The following ZNF470 variants were observed in gnomAD, a reference collection of about 807,000 sequenced individuals.
The protein encoded by ZNF470 is chondrogenesis zinc finger protein 1.
ZNF470 carries 13 observed loss-of-function variants against 13.9 expected under a neutral mutation model. The observed-to-expected ratio is 0.94, with a 90% CI of 0.61 to 1.49. The LOEUF (loss-of-function observed/expected upper bound fraction) is 1.49. Among genes scored for constraint, ZNF470 ranks in the 40% most tolerant of loss-of-function variants. The pLI is 0.00. For synonymous variants in ZNF470, 293 were observed against 282.9 expected (o/e 1.04, Z -0.36); for missense variants, 929 against 857.3 (o/e 1.08, Z -1.04).
At chr19:56,569,348 C>T (rs561262602) in intron 2 of ZNF470, among the ~76,000 whole-genome samples, 1 of 152,264 alleles carries the variant, frequency 6.6e-6, no homozygotes, top group Non-Finnish European at 1.5e-5. Flanking sequence ...GTCACATGGA[C>T]TCTGTTGTAA....
rs1379953433 is a variant in ZNF470, at chr19:56,579,613, CATAAA to C, written c.*1038_*1042del. 2 of 985,360 alleles carry C rather than the reference CATAAA, an allele frequency of 2.0e-6. No homozygotes were observed. The highest frequency in any genetic ancestry group is 1.1e-4 in the East Asian group (1 of 8,814). The allele number at this position is 985,360 out of a possible 1,614,324, so 61.0% of individuals were successfully genotyped here. On this transcript the variant is annotated 3_prime_UTR_variant, in exon 6 of 6. Coordinates refer to ENST00000330619, the MANE Select transcript of ZNF470 (RefSeq NM_001001668.4). Reference sequence around the variant, plus strand: ...TCGTGTGGTATTTAAATTGTTCTAGCATAAAATAAAATGCAATAAGACCTTCCATC... The same window carrying C: ...TCGTGTGGTATTTAAATTGTTCTAGCATAAAATGCAATAAGACCTTCCATC...
chr19:56,577,504 C>T lies in ZNF470; in HGVS notation c.1075C>T (p.Arg359Ter), dbSNP rs558252392. Reference protein sequence around the residue: ...FSDCSSLAHHRRIHTGKRPYE... With the variant: ...FSDCSSLAHH ...TGATTGCTCATCCCTAGCTCATCATCGAAGGATTCACACTGGGAAAAGACC... is the reference window on the plus strand; with the variant it reads ...TGATTGCTCATCCCTAGCTCATCATTGAAGGATTCACACTGGGAAAAGACC... Residue 359 changes from arginine (R) to a stop codon, truncating the protein, a stop_gained, in exon 6 of 6, where the codon CGA (arginine) becomes TGA (stop). Transcript: ENST00000330619. LOFTEE classifies it low-confidence loss of function (END_TRUNC). 62 of 1,613,488 alleles carry T rather than the reference C, an allele frequency of 3.8e-5. 1 individual carries two copies. The highest frequency in any genetic ancestry group is 3.2e-4 in the South Asian group (29 of 91,062).
chr19:56,582,726 T>G lies in ZNF470; in HGVS notation c.*4143T>G. The G allele has an allele frequency of 4.1e-6, 1 of 245,042 alleles. No homozygotes were observed. The highest frequency in any genetic ancestry group is 6.5e-6 in the Non-Finnish European group (1 of 153,026). The allele number at this position is 245,042 out of a possible 1,614,324, so 15.2% of individuals were successfully genotyped here. On this transcript the variant is annotated 3_prime_UTR_variant, in exon 6 of 6. Transcript: ENST00000330619. Reference sequence around the variant, plus strand: ...ATAAGAGGAAGAGACACCAGAGGTTTGTCTCTCCACATGTGCACAGAGGAA... The same window carrying G: ...ATAAGAGGAAGAGACACCAGAGGTTGGTCTCTCCACATGTGCACAGAGGAA...
In ZNF470 at chr19:56,577,494, A is replaced by G; in HGVS notation, c.1065A>G (p.Leu355=). 6.2e-7 allele frequency: 1 copy of G among 1,613,042 alleles called. No homozygotes were observed. The highest frequency in any genetic ancestry group is 8.5e-7 in the Non-Finnish European group (1 of 1,179,408). ...CGKAFSDCSS[L]AHHRRIHTGK... is the part of the protein sequence containing the mutation. ...AGGCTTTTAGTGATTGCTCATCCCT[A>G]GCTCATCATCGAAGGATTCACACTG... Residue 355 remains leucine (L), a synonymous_variant, in exon 6 of 6, where the codon CTA becomes CTG. Coordinates refer to ENST00000330619, the MANE Select transcript of ZNF470 (RefSeq NM_001001668.4).
chr19:56,581,694 T>C lies in ZNF470; in HGVS notation c.*3111T>C, dbSNP rs980806951. 7.1e-6 allele frequency: 7 copies of C among 983,494 alleles called. No homozygotes were observed. In the African/African-American group the frequency reaches 8.7e-5, roughly 12 times the overall value. 60.9% of individuals were successfully genotyped at this position (983,494 alleles called of 1,614,324 possible). On this transcript the variant is annotated 3_prime_UTR_variant, in exon 6 of 6. Coordinates refer to ENST00000330619, the MANE Select transcript of ZNF470 (RefSeq NM_001001668.4). The stretch of plus-strand genomic sequence containing the variant: ...AAAATAAAAATCAAAATATATATTA[T>C]AGTAGGCATTTGTTTTTCTCTGCCC...
chr19:56,577,245 T>C lies in ZNF470; in HGVS notation c.816T>C (p.Ala272=). Residue 272 remains alanine (A), a synonymous_variant, in exon 6 of 6, where the codon GCT becomes GCC. Coordinates refer to ENST00000330619, the MANE Select transcript of ZNF470 (RefSeq NM_001001668.4). ...CCTTTAGCCAGAGTGCCCACCTTGC[T>C]CAACATCAGAGAATACACACAGGAG... is the stretch of plus-strand genomic sequence containing the variant. ...GKAFSQSAHL[A]QHQRIHTGEK... is the part of the protein sequence containing the mutation. 6.2e-7 allele frequency: 1 copy of C among 1,612,072 alleles called. No homozygotes were observed.
At chr19:56,570,454 G>A in intron 3 of ZNF470, 83 bp downstream of exon 3, 8 of 1,362,790 alleles carry the variant, frequency 5.9e-6, no homozygotes, top group South Asian at 1.2e-5. Context: ...TGAAAATATT[G>A]TGCTTAAGAG....
At chr19:56,571,002 A>C (rs907091900) in intron 3 of ZNF470, among the ~76,000 whole-genome samples, 17 of 152,304 alleles carry the variant, frequency 1.1e-4, no homozygotes, top group African/African-American at 4.1e-4. Context: ...TATAGCCTGC[A>C]CCATCCTACT....
chr19:56,574,921 A>C (rs1375313288), intron 5 of ZNF470, among the ~76,000 whole-genome samples, 188 bp downstream of exon 5: 2 of 152,170 alleles, frequency 1.3e-5, no homozygotes, highest in Non-Finnish European at 2.9e-5. Context: ...TTTCTTATGC[A>C]TACCAGGGTC....
rs1197308315 is a variant in ZNF470, at chr19:56,582,171, A to G, written c.*3588A>G. The G allele has an allele frequency of 1.0e-5, 10 of 985,320 alleles. No individual in the cohort carries two copies. Among genetic ancestry groups the G allele is most frequent in the Non-Finnish European group, 1.2e-5 (10 of 829,942 alleles). 61.0% of individuals were successfully genotyped at this position (985,320 alleles called of 1,614,324 possible). A position where few individuals can be genotyped will look rare whatever the true frequency, so the allele number is the denominator to read the frequency against. On this transcript the variant is annotated 3_prime_UTR_variant, in exon 6 of 6. Coordinates refer to ENST00000330619, the MANE Select transcript of ZNF470 (RefSeq NM_001001668.4). ...AGCATCTCATGGTGTGCGATGAGCAAACGCCTGATTATTCATTATAGTCAC... is the reference window on the plus strand; with the variant it reads ...AGCATCTCATGGTGTGCGATGAGCAGACGCCTGATTATTCATTATAGTCAC...
At chr19:56,568,248 G>T (rs2147977368) in intron 1 of ZNF470, among the ~76,000 whole-genome samples, 1 of 152,320 alleles carries the variant, frequency 6.6e-6, no homozygotes, top group South Asian at 2.1e-4. Flanking sequence ...CACCTAACCA[G>T]ATAACCTGAC....
chr19:56,575,023 C>T (rs2044479564), intron 5 of ZNF470, among the ~76,000 whole-genome samples: 1 of 152,148 alleles, frequency 6.6e-6, no homozygotes, highest in African/African-American at 2.4e-5. Context: ...ATTTCTGAAT[C>T]CTTTAGACAA....
chr19:56,577,394 G>A lies in ZNF470; in HGVS notation c.965G>A (p.Ser322Asn). The change falls in exon 6 of 6, where the codon AGC (serine) becomes AAC (asparagine). Residue 322 changes from serine to asparagine, a missense_variant. Physicochemically the swap from Ser to Asn is conservative, Grantham distance 46. Coordinates refer to ENST00000330619, the MANE Select transcript of ZNF470 (RefSeq NM_001001668.4). ...TGTAAGCAGTGTAATAAAGCATTCAGCCAGCTTGCACACCTTGCTCAACAT... is the reference window on the plus strand; with the variant it reads ...TGTAAGCAGTGTAATAAAGCATTCAACCAGCTTGCACACCTTGCTCAACAT... ...YQCKQCNKAF[S>N]QLAHLAQHQR... 6.2e-7 allele frequency: 1 copy of A among 1,613,880 alleles called. No homozygotes were observed. Among genetic ancestry groups the A allele is most frequent in the African/African-American group, 1.3e-5 (1 of 75,026 alleles).
At position 56,574,747 on chromosome 19, in the gene ZNF470, A is replaced by G; in HGVS notation, c.283+14A>G. 6.2e-7 allele frequency: 1 copy of G among 1,604,578 alleles called. No individual in the cohort carries two copies. The highest frequency in any genetic ancestry group is 8.5e-7 in the Non-Finnish European group (1 of 1,173,870). On this transcript the variant is annotated intron_variant, in intron 5 of 5. Coordinates refer to ENST00000330619, the MANE Select transcript of ZNF470 (RefSeq NM_001001668.4). ...GCCTGTGCCCAGGTAAGTGGAGGAT[A>G]CCTAGAGATAAAGGAACTGTTCTCA...
chr19:56,571,095 G>A (rs62124113), intron 3 of ZNF470, among the ~76,000 whole-genome samples: 9,304 of 152,272 alleles, frequency 0.061, 338 homozygotes, highest in Non-Finnish European at 0.085. Context: ...TGGAGGAAGT[G>A]CAGGCATATG....
In ZNF470 at chr19:56,576,736, A is replaced by G. The variant is rs1422648319; in HGVS notation, c.307A>G (p.Lys103Glu). 4 of 1,477,050 alleles carry G rather than the reference A, an allele frequency of 2.7e-6. No individual in the cohort carries two copies. The highest frequency in any genetic ancestry group is 3.6e-6 in the Non-Finnish European group (4 of 1,114,972). The allele number at this position is 1,477,050 out of a possible 1,614,324, so 91.5% of individuals were successfully genotyped here. A position where few individuals can be genotyped will look rare whatever the true frequency, so the allele number is the denominator to read the frequency against. The change falls in exon 6 of 6, where the codon AAA (lysine) becomes GAA (glutamate). Residue 103 changes from lysine to glutamate, a missense_variant. Physicochemically the swap from Lys to Glu is moderately conservative, Grantham distance 56. Transcript: ENST00000330619. ...AGACTTGGAGTGTGTGTGGGTGACC[A>G]AATCATTATCTTTAAACCAGGATAT... ...CPDLECVWVT[K>E]SLSLNQDIYE...
In ZNF470 at chr19:56,573,190, TCTC is replaced by T. The variant is rs1038119016; in HGVS notation, c.61-1203_61-1201del. Among the ~76,000 whole-genome samples, 34 of 152,322 alleles carry T rather than the reference TCTC, an allele frequency of 2.2e-4. 1 individual carries two copies. The highest frequency in any genetic ancestry group is 1.2e-3 in the Admixed American group (18 of 15,308). ...ATGTTTCACCTGTTCTTCTTGGCCT[TCTC>T]TTCTTCTCTCTCTGTTTTTTCCCTT... On this transcript the variant is annotated intron_variant, in intron 3 of 5. Transcript: ENST00000330619.
chr19:56,578,558 C>T lies in ZNF470; in HGVS notation c.2129C>T (p.Ala710Val). 1 of 1,552,630 alleles carries T rather than the reference C, an allele frequency of 6.4e-7. No homozygotes were observed. The highest frequency in any genetic ancestry group is 8.7e-7 in the Non-Finnish European group (1 of 1,150,774). The change falls in exon 6 of 6, where the codon GCC becomes GTC. Residue 710 changes from alanine to valine, a missense_variant. Transcript: ENST00000330619. ...TGESSVILSS[A>V]LPYHQVL ...GAGTCATCAGTTATTCTCTCCTCTG[C>T]CCTCCCATACCACCAAGTCCTATAG...
chr19:56,569,116 A>G (rs1315285589), intron 2 of ZNF470, among the ~76,000 whole-genome samples: 1 of 152,342 alleles, frequency 6.6e-6, no homozygotes, highest in Non-Finnish European at 1.5e-5. Context: ...AGTCCCTGCC[A>G]TGTAATGTGT....
Sources: allele counts gnomAD v4.1 joint callset (sites outside exome capture counted in the v4.1 genomes callset), GRCh38; gene constraint gnomAD v4.1.1; transcripts MANE v1.5; gene names NCBI Gene and HGNC (gene_info 2026-07-23, HGNC 2026-07-21).